The following MTUS2 variants were observed in gnomAD, a reference collection of about 807,000 sequenced individuals.
MTUS2 encodes the protein microtubule-associated tumor suppressor candidate 2.
A neutral mutation model predicts 114.1 loss-of-function variants in MTUS2; 40 were observed. That is an observed-to-expected ratio of 0.35 (90% CI 0.27 to 0.46). MTUS2 has a LOEUF of 0.46. Among genes scored for constraint, MTUS2 ranks in the 20% least tolerant of loss-of-function variants. The pLI is 1.00. For missense variants in MTUS2, 1,679 were observed against 1,705.4 expected, an observed-to-expected ratio of 0.98 and a Z score of 0.27; for synonymous variants, 688 against 672.0, an observed-to-expected ratio of 1.02 and a Z score of -0.37.
chr13:29,136,730 G>T (rs1891993395), intron 5 of MTUS2, among the ~76,000 whole-genome samples: 1 of 152,068 alleles, frequency 6.6e-6, no homozygotes, highest in Non-Finnish European at 1.5e-5. Flanking sequence ...CTTCCATCTG[G>T]CTATTCATAT....
At chr13:29,491,633 T>C (rs1882098368) in intron 11 of MTUS2, among the ~76,000 whole-genome samples, 1 of 147,926 alleles carries the variant, frequency 6.8e-6, no homozygotes, top group African/African-American at 2.5e-5. Context: ...ATGTGATTAG[T>C]AGGTGTGTAT....
chr13:29,154,584 T>C (rs2139051305), intron 5 of MTUS2, among the ~76,000 whole-genome samples: 1 of 152,342 alleles, frequency 6.6e-6, no homozygotes, highest in East Asian at 1.9e-4. Flanking sequence ...AACACTGGAA[T>C]GCCAGACAAA....
intron 5 of MTUS2, among the ~76,000 whole-genome samples, chr13:29,266,253 T>C (rs1023401606): frequency 9.2e-5 from 14 of 152,206 alleles, no homozygotes; most frequent in African/African-American, 1.4e-4. Context: ...GGTACCACTT[T>C]TATCCCCATT....
Position 29,503,350 on chromosome 13 carries a change from C to G in MTUS2, c.*144C>G. 1.2e-6 allele frequency: 1 copy of G among 862,152 alleles called. No homozygotes were observed. The highest frequency in any genetic ancestry group is 1.8e-6 in the Non-Finnish European group (1 of 557,304). 53.4% of individuals were successfully genotyped at this position (862,152 alleles called of 1,614,324 possible). A position where few individuals can be genotyped will look rare whatever the true frequency, so the allele number is the denominator to read the frequency against. Reference sequence around the variant, plus strand: ...ATCCTAGGCGCGTCCTCCTCTGATCCCCGTGTAAGACTGCCCTGGTGTCGG... The same window carrying G: ...ATCCTAGGCGCGTCCTCCTCTGATCGCCGTGTAAGACTGCCCTGGTGTCGG... On this transcript the variant is annotated 3_prime_UTR_variant, in exon 16 of 16. Coordinates refer to ENST00000612955, the MANE Select transcript of MTUS2 (RefSeq NM_001033602.4).
chr13:29,256,212 T>G (rs1165534760), intron 5 of MTUS2, among the ~76,000 whole-genome samples: 1 of 152,192 alleles, frequency 6.6e-6, no homozygotes, highest in Non-Finnish European at 1.5e-5. Flanking sequence ...ATACAGAGCT[T>G]ATCCCAATGG....
intron 4 of MTUS2, among the ~76,000 whole-genome samples, chr13:29,035,436 C>G (rs564485233): frequency 2.6e-5 from 4 of 152,184 alleles, no homozygotes; most frequent in Non-Finnish European, 5.9e-5. Flanking sequence ...GCTCCCTTGG[C>G]CCCTGAGCCC....
At chr13:29,156,891 G>A (rs906492976) in intron 5 of MTUS2, among the ~76,000 whole-genome samples, 8 of 152,084 alleles carry the variant, frequency 5.3e-5, no homozygotes, top group African/African-American at 1.4e-4. Context: ...GTATACATAC[G>A]CATTCTGTGC....
At chr13:28,952,322 A>G (rs7336394) in intron 2 of MTUS2, among the ~76,000 whole-genome samples, 153 of 152,326 alleles carry the variant, frequency 1.0e-3, no homozygotes, top group African/African-American at 3.5e-3. Flanking sequence ...ATATGAGCTC[A>G]TTTGTACATA....
chr13:29,182,944 G>A (rs777726888), intron 5 of MTUS2, among the ~76,000 whole-genome samples: 1 of 152,146 alleles, frequency 6.6e-6, no homozygotes, highest in Non-Finnish European at 1.5e-5. Flanking sequence ...GAGAGTAGCA[G>A]GAGATGAGTT....
At chr13:29,054,980 A>G (rs147298598) in intron 4 of MTUS2, among the ~76,000 whole-genome samples, 49 of 152,126 alleles carry the variant, frequency 3.2e-4, no homozygotes, top group African/African-American at 1.1e-3. Context: ...TGTGGCTTCT[A>G]TTTTATACTC....
intron 4 of MTUS2, among the ~76,000 whole-genome samples, chr13:29,056,447 T>C (rs1010973684): frequency 5.9e-5 from 9 of 152,080 alleles, no homozygotes; most frequent in African/African-American, 2.2e-4. Flanking sequence ...GTTTAGAATT[T>C]GGCTATGAAT....
At chr13:29,250,602 A>C (rs1178472010) in intron 5 of MTUS2, 2 of 151,876 alleles carry the variant, frequency 1.3e-5, no homozygotes, top group Non-Finnish European at 2.9e-5. Flanking sequence ...CCGTAAAAGT[A>C]GAATTCTCAC....
intron 8 of MTUS2, among the ~76,000 whole-genome samples, chr13:29,392,452 G>A (rs1237950888): frequency 3.9e-5 from 6 of 152,128 alleles, no homozygotes; most frequent in South Asian, 2.1e-4. Flanking sequence ...CTGAACTCCC[G>A]ACTCACAGGA....
At chr13:29,150,927 T>G (rs570170168) in intron 5 of MTUS2, among the ~76,000 whole-genome samples, 3 of 152,346 alleles carry the variant, frequency 2.0e-5, no homozygotes, top group East Asian at 3.9e-4. Context: ...ACCAGAATCA[T>G]GCTGTTTTGG....
At chr13:29,140,367 G>A (rs1892167654) in intron 5 of MTUS2, among the ~76,000 whole-genome samples, 1 of 152,194 alleles carries the variant, frequency 6.6e-6, no homozygotes, top group South Asian at 2.1e-4. Context: ...AGTATTTTCT[G>A]GCACTGCTTA....
chr13:29,123,719 C>T (rs1007812992), intron 5 of MTUS2, among the ~76,000 whole-genome samples: 1 of 152,088 alleles, frequency 6.6e-6, no homozygotes, highest in African/African-American at 2.4e-5. Context: ...AACAAACACA[C>T]ACACACACAC....
At chr13:29,074,726 G>A (rs2475516) in intron 4 of MTUS2, among the ~76,000 whole-genome samples, 149,102 of 152,204 alleles carry the variant, frequency 0.98, 73,072 homozygotes, top group Non-Finnish European at 1. Context: ...CTTGTTCCCA[G>A]TTTTCTGTAT....
Position 29,496,057 on chromosome 13 carries a change from G to A in MTUS2, c.3580-1181G>A, listed in dbSNP as rs1342797004. On this transcript the variant is annotated intron_variant, in intron 12 of 15. Coordinates refer to ENST00000612955, the MANE Select transcript of MTUS2 (RefSeq NM_001033602.4). The surrounding 1 kb of genome is among the most constrained non-coding windows in gnomAD (Gnocchi z 4.3). ...AAGAGCTTTGGACTGGTCTGCATGA[G>A]TGAGACATGAAGGGTGAAGGTCTCC... Among the ~76,000 whole-genome samples, 2 of 152,192 alleles carry A rather than the reference G, an allele frequency of 1.3e-5. No individual in the cohort carries two copies. Among genetic ancestry groups the A allele is most frequent in the Non-Finnish European group, 2.9e-5 (2 of 68,038 alleles).
At chr13:29,355,361 T>C (rs184099989) in intron 7 of MTUS2, among the ~76,000 whole-genome samples, 29 of 149,964 alleles carry the variant, frequency 1.9e-4, no homozygotes, top group African/African-American at 6.9e-4. Flanking sequence ...ACCAGAGTTA[T>C]GTAGCCAGTA....
Sources: gnomAD v4.1 joint callset for allele counts (sites outside exome capture counted in the v4.1 genomes callset) on GRCh38, gnomAD v4.1.1 for gene constraint, Gnocchi (gnomAD v3.1) non-coding constraint, MANE v1.5 for transcripts, NCBI Gene and HGNC (gene_info 2026-07-23, HGNC 2026-07-21) for gene names.